The following PADI1 variants were observed in gnomAD, a reference collection of about 807,000 sequenced individuals.
PADI1 encodes protein-arginine deiminase type-1.
A neutral mutation model predicts 74.8 loss-of-function variants in PADI1; 65 were observed. The ratio of observed to expected loss-of-function variants is 0.87; its 90% CI spans 0.71 to 1.07. PADI1 has a LOEUF of 1.07. PADI1 is among the 50% of genes least tolerant of loss of function. PADI1 has a pLI of 0.00. For missense variants in PADI1, 943 were observed against 854.0 expected, an observed-to-expected ratio of 1.10 and a Z score of -1.30; for synonymous variants, 371 against 336.2, an observed-to-expected ratio of 1.10 and a Z score of -1.13.
At chr1:17,233,245 G>T (rs1330191760) in intron 11 of PADI1, among the ~76,000 whole-genome samples, 1 of 152,192 alleles carries the variant, frequency 6.6e-6, no homozygotes, top group Non-Finnish European at 1.5e-5. Flanking sequence ...TATCGGGAGG[G>T]CCTCCCATAA....
At position 17,238,687 on chromosome 1, in the gene PADI1, TG is replaced by T; in HGVS notation, c.1534del (p.Glu512ArgfsTer8). On this transcript the variant is annotated frameshift_variant, in exon 13 of 16. Transcript: ENST00000375471. LOFTEE classifies it high-confidence loss of function. The stretch of plus-strand genomic sequence containing the variant: ...TCCAAGAGAAGAAAGAAGAGGGTTA[TG>T]GGGAGGCAGCCCAGTTTGATGGTGA... ...LFQEKKEEGY[G>X]EAAQFDGLKH... 6.5e-7 allele frequency: 1 copy of T among 1,542,058 alleles called. No individual in the cohort carries two copies. The highest frequency in any genetic ancestry group is 8.8e-7 in the Non-Finnish European group (1 of 1,136,266).
intron 1 of PADI1, among the ~76,000 whole-genome samples, chr1:17,217,139 G>A (rs1235110518): frequency 6.6e-6 from 1 of 152,234 alleles, no homozygotes; most frequent in South Asian, 2.1e-4. Context: ...CCAGTGTAGG[G>A]ATTCTGCCCG....
At chr1:17,207,890 G>A (rs1013981535) in intron 1 of PADI1, among the ~76,000 whole-genome samples, 1 of 152,250 alleles carries the variant, frequency 6.6e-6, no homozygotes, top group Non-Finnish European at 1.5e-5. Context: ...AGTTGATTCT[G>A]CAGCATAAGG....
intron 6 of PADI1, among the ~76,000 whole-genome samples, chr1:17,226,925 C>T (rs905075401): frequency 2.0e-5 from 3 of 151,994 alleles, no homozygotes; most frequent in Non-Finnish European, 2.9e-5. Flanking sequence ...GCGGCAGGTG[C>T]CTGTAGTCCC....
rs746681003 is a variant in PADI1 at position 17,229,052 on chromosome 1, G to A, written c.929+1G>A. On this transcript the variant is annotated splice_donor_variant, in intron 8 of 15. Coordinates refer to ENST00000375471, the MANE Select transcript of PADI1 (RefSeq NM_013358.3). LOFTEE classifies it high-confidence loss of function. Reference sequence around the variant, plus strand: ...CTCCTGAGGAGCTGTATGTGTGCAGGTGAGGCTCCCTCCCTCCAGCCCTCC... The same window carrying A: ...CTCCTGAGGAGCTGTATGTGTGCAGATGAGGCTCCCTCCCTCCAGCCCTCC... 9.7e-6 allele frequency: 15 copies of A among 1,547,270 alleles called. No homozygotes were observed. The African/African-American group carries it at 1.8e-4, about 18-fold the overall frequency.
intron 11 of PADI1, among the ~76,000 whole-genome samples, chr1:17,233,931 C>T (rs1010314455): frequency 2.0e-5 from 3 of 152,200 alleles, no homozygotes; most frequent in African/African-American, 4.8e-5. Context: ...ACTGGCCAGG[C>T]GAGAGGCATG....
Position 17,211,748 on chromosome 1 carries a change from G to A in PADI1, c.92+6439G>A, listed in dbSNP as rs1271359954. On this transcript the variant is annotated intron_variant, in intron 1 of 15. Coordinates refer to ENST00000375471, the MANE Select transcript of PADI1 (RefSeq NM_013358.3). ...AAGGCAGGGCAGCAGATGAGCTTTG[G>A]AATCAGACCCAGGCAGGGGCCAAGC... Among the ~76,000 whole-genome samples, 6 of 152,304 alleles carry A rather than the reference G, an allele frequency of 3.9e-5. No individual in the cohort carries two copies. The East Asian group carries it at 1.2e-3, about 29-fold the overall frequency.
Position 17,240,741 on chromosome 1 carries a change from A to G in PADI1, c.1739A>G (p.Glu580Gly). Residue 580 changes from glutamate (E) to glycine (G), a missense_variant, in exon 15 of 16, where the codon GAA (glutamate) becomes GGA (glycine). Coordinates refer to ENST00000375471, the MANE Select transcript of PADI1 (RefSeq NM_013358.3). ...QLFFLKNFYA[E>G]AFFPDMVNMV... is the part of the protein sequence containing the mutation. ...TTCTTCCTGAAAAACTTCTACGCGG[A>G]AGCCTTCTTCCCAGACATGGTGAGA... is the stretch of plus-strand genomic sequence containing the variant. 1 of 1,613,978 alleles carries G rather than the reference A, an allele frequency of 6.2e-7. No individual in the cohort carries two copies. The highest frequency in any genetic ancestry group is 8.5e-7 in the Non-Finnish European group (1 of 1,179,896).
chr1:17,218,687 G>A (rs2072045497), intron 1 of PADI1, among the ~76,000 whole-genome samples: 1 of 152,220 alleles, frequency 6.6e-6, no homozygotes, highest in African/African-American at 2.4e-5. Flanking sequence ...GGTGTCAAGG[G>A]AGCAGAAGAA....
At chr1:17,205,408 G>A in intron 1 of PADI1, 99 bp downstream of exon 1, 1 of 880,684 alleles carries the variant, frequency 1.1e-6, no homozygotes, top group South Asian at 1.4e-5. Flanking sequence ...CGTTGGAAAG[G>A]ATGCTGGCAG....
Position 17,205,292 on chromosome 1 carries a change from ACATGTGGACATT to A in PADI1, c.78_89del (p.Val27_His30del). 6.2e-7 allele frequency: 1 copy of A among 1,613,874 alleles called. No homozygotes were observed. Among genetic ancestry groups the A allele is most frequent in the Non-Finnish European group, 8.5e-7 (1 of 1,179,842 alleles). ...CCGTGTGTGTGGTGGGAGTCGAGGCACATGTGGACATTCACAGGTAAGAGCTGGGAGGCGCTC... is the reference window on the plus strand; with the variant it reads ...CCGTGTGTGTGGTGGGAGTCGAGGCACACAGGTAAGAGCTGGGAGGCGCTC... On this transcript the variant is annotated inframe_deletion, in exon 1 of 16. Transcript: ENST00000375471.
At chr1:17,210,092 G>T (rs757355414) in intron 1 of PADI1, among the ~76,000 whole-genome samples, 2 of 152,010 alleles carry the variant, frequency 1.3e-5, no homozygotes, top group African/African-American at 4.8e-5. Flanking sequence ...TGCCCACCTC[G>T]GCCTCCCAAA....
rs185051849 is a variant in PADI1 at position 17,218,712 on chromosome 1, G to A, written c.93-3578G>A. On this transcript the variant is annotated intron_variant, in intron 1 of 15. Transcript: ENST00000375471. ...GAGCAGAAGAAATGAGGAGGTCAAAGGAGAATGAGTTTGGGGATGGGTGAT... is the reference window on the plus strand; with the variant it reads ...GAGCAGAAGAAATGAGGAGGTCAAAAGAGAATGAGTTTGGGGATGGGTGAT... Among the ~76,000 whole-genome samples, 399 of 152,330 alleles carry A rather than the reference G, an allele frequency of 2.6e-3. 6 individuals are homozygous for A. Among genetic ancestry groups the A allele is most frequent in the Non-Finnish European group, 7.6e-4 (52 of 68,020 alleles).
intron 1 of PADI1, among the ~76,000 whole-genome samples, chr1:17,217,100 C>A (rs575213764): frequency 1.3e-5 from 2 of 151,846 alleles, no homozygotes; most frequent in Non-Finnish European, 2.9e-5. Context: ...AAGCCAGGTG[C>A]GCTGGGGCCA....
intron 1 of PADI1, among the ~76,000 whole-genome samples, chr1:17,214,677 C>T (rs1054784761): frequency 2.6e-5 from 4 of 152,166 alleles, no homozygotes; most frequent in African/African-American, 9.7e-5. Context: ...AAAGCTGGCG[C>T]AATACAGCCC....
At chr1:17,231,313 C>T (rs972454202) in intron 10 of PADI1, among the ~76,000 whole-genome samples, 4 of 152,164 alleles carry the variant, frequency 2.6e-5, no homozygotes, top group Admixed American at 2.0e-4. Flanking sequence ...CCAGGCCATG[C>T]AGCAAGTTAA....
chr1:17,223,635 C>A lies in PADI1; in HGVS notation c.288C>A (p.Tyr96Ter), dbSNP rs2072224622. The change falls in exon 3 of 16, where the codon TAC (tyrosine) becomes TAA (stop). Residue 96 changes from tyrosine to a stop codon, truncating the protein, a stop_gained. Transcript: ENST00000375471. LOFTEE classifies it high-confidence loss of function. Reference protein sequence around the residue: ...ELKDFKVRVSYFGEQEDQALG... With the variant: ...ELKDFKVRVS The stretch of plus-strand genomic sequence containing the variant: ...ATGTTCTGCAGGTGAGGGTCTCCTA[C>A]TTTGGGGAGCAGGAAGACCAAGCTC... The A allele has an allele frequency of 1.2e-6, 2 of 1,613,880 alleles. No homozygotes were observed. Among genetic ancestry groups the A allele is most frequent in the Non-Finnish European group, 8.5e-7 (1 of 1,179,928 alleles).
rs1446094717 is a variant in PADI1, at chr1:17,228,975, G to A, written c.853G>A (p.Asp285Asn). 12 of 1,600,194 alleles carry A rather than the reference G, an allele frequency of 7.5e-6. No homozygotes were observed. The highest frequency in any genetic ancestry group is 1.0e-5 in the Non-Finnish European group (12 of 1,172,734). Residue 285 changes from aspartate to asparagine, a missense_variant, in exon 8 of 16, where the codon GAC becomes AAC. Coordinates refer to ENST00000375471, the MANE Select transcript of PADI1 (RefSeq NM_013358.3). ...CCTGCCCGAGGTGACCCTCTTCACA[G>A]ACACTGTGGGCTTCCGCATGGCCCC... ...GTLPEVTLFT[D>N]TVGFRMAPWI... is the part of the protein sequence containing the mutation.
At chr1:17,233,091 G>A (rs2072542393) in intron 11 of PADI1, 121 bp downstream of exon 11, 1 of 937,880 alleles carries the variant, frequency 1.1e-6, no homozygotes, top group African/African-American at 1.7e-5. Context: ...TTCCTGCGTG[G>A]AATCCTGGAA....
Sources: gnomAD v4.1 joint callset for allele counts (sites outside exome capture counted in the v4.1 genomes callset) on GRCh38, gnomAD v4.1.1 for gene constraint, MANE v1.5 for transcripts, NCBI Gene and HGNC (gene_info 2026-07-23, HGNC 2026-07-21) for gene names.